KCNQ1: variants seen among roughly 807,000 people sequenced by gnomAD.
KCNQ1 encodes potassium voltage-gated channel subfamily KQT member 1.
In KCNQ1, 49 loss-of-function variants were observed where a neutral mutation model predicts 72.4. The observed-to-expected ratio is 0.68, with a 90% CI of 0.54 to 0.86. KCNQ1 has a LOEUF of 0.86. Ranked by LOEUF, KCNQ1 falls within the 40% of genes least tolerant of loss-of-function variation. KCNQ1 has a pLI of 0.00. For synonymous variants in KCNQ1, 450 were observed against 412.6 expected (o/e 1.09, Z -1.10); for missense variants, 790 against 945.1 (o/e 0.84, Z 2.15).
chr11:2,536,764 G>C lies in KCNQ1; in HGVS notation c.477+8746G>C, dbSNP rs1453469664. Among the ~76,000 whole-genome samples, 1 of 150,928 alleles carries C rather than the reference G, an allele frequency of 6.6e-6. No homozygotes were observed. The highest frequency in any genetic ancestry group is 2.5e-5 in the African/African-American group (1 of 40,254). On this transcript the variant is annotated intron_variant, in intron 2 of 15. Coordinates refer to ENST00000155840, the MANE Select transcript of KCNQ1 (RefSeq NM_000218.3). The surrounding 1 kb of genome is among the most constrained non-coding windows in gnomAD (Gnocchi z 7.4). The stretch of plus-strand genomic sequence containing the variant: ...AGAGTCGACCTGGGCTGCGTGATGG[G>C]GGACCCCAGGCTGGGCGGCTTAAAC...
rs201436513 is a variant in KCNQ1 at position 2,786,713 on chromosome 11, ATTATT to A, written c.1794+8683_1794+8687del. Among the ~76,000 whole-genome samples, 218 of 151,706 alleles carry A rather than the reference ATTATT, an allele frequency of 1.4e-3. 1 individual carries two copies. Among genetic ancestry groups the A allele is most frequent in the Admixed American group, 0.011 (166 of 15,246 alleles). On this transcript the variant is annotated intron_variant, in intron 15 of 15. Coordinates refer to ENST00000155840, the MANE Select transcript of KCNQ1 (RefSeq NM_000218.3). ...CAGTGAATTTTAAACTTCAATTATT[ATTATT>A]TTATTTATAAAAGTTCTGTTGGGTT... is the stretch of plus-strand genomic sequence containing the variant.
intron 10 of KCNQ1, among the ~76,000 whole-genome samples, chr11:2,589,575 C>G (rs36008556): frequency 6.6e-6 from 1 of 152,194 alleles, no homozygotes; most frequent in East Asian, 1.9e-4. Context: ...TCCAGCCACA[C>G]GGCGGGAATA....
At chr11:2,714,548 G>A (rs1274040392) in intron 11 of KCNQ1, among the ~76,000 whole-genome samples, 1 of 152,220 alleles carries the variant, frequency 6.6e-6, no homozygotes, top group Non-Finnish European at 1.5e-5. Context: ...ATAGATGGAG[G>A]AGCTCACAGC....
intron 11 of KCNQ1, chr11:2,662,452 A>C: frequency 2.2e-6 from 1 of 453,248 alleles, no homozygotes; most frequent in Non-Finnish European, 3.8e-6. Flanking sequence ...GGCCAAAGCC[A>C]TGGGGCAGAT....
chr11:2,580,195 G>A lies in KCNQ1; in HGVS notation c.922-3240G>A, dbSNP rs867072499. On this transcript the variant is annotated intron_variant, in intron 6 of 15. Coordinates refer to ENST00000155840, the MANE Select transcript of KCNQ1 (RefSeq NM_000218.3). Reference sequence around the variant, plus strand: ...CACTGGCCTCCCCCAACTGCTTGCCGCCCAGCCCCCCTCAGGCCAATTCCT... The same window carrying A: ...CACTGGCCTCCCCCAACTGCTTGCCACCCAGCCCCCCTCAGGCCAATTCCT... Among the ~76,000 whole-genome samples, 397 of 151,784 alleles carry A rather than the reference G, an allele frequency of 2.6e-3. 5 individuals are homozygous for A. The Middle Eastern group carries it at 0.044, about 17-fold the overall frequency.
rs1564904870 is a variant in KCNQ1, at chr11:2,818,800, C to T, written c.1795-28967C>T. Among the ~76,000 whole-genome samples the T allele has an allele frequency of 6.6e-6, 1 of 152,048 alleles. No homozygotes were observed. Among genetic ancestry groups the T allele is most frequent in the Non-Finnish European group, 1.5e-5 (1 of 68,002 alleles). On this transcript the variant is annotated intron_variant, in intron 15 of 15. Coordinates refer to ENST00000155840, the MANE Select transcript of KCNQ1 (RefSeq NM_000218.3). The surrounding 1 kb of genome is among the most constrained non-coding windows in gnomAD (Gnocchi z 7.2). ...CTGCCAGCACAGCCCCCACCACACACTCCCCAACAGGTGTCTCCACAACTG... is the reference window on the plus strand; with the variant it reads ...CTGCCAGCACAGCCCCCACCACACATTCCCCAACAGGTGTCTCCACAACTG...
chr11:2,630,385 G>A (rs1033829951), intron 10 of KCNQ1: 50 of 397,376 alleles, frequency 1.3e-4, no homozygotes, highest in Middle Eastern at 6.2e-4. Flanking sequence ...TTCTTATATT[G>A]TCCTTGTCTG....
chr11:2,628,935 G>C (rs1431481719), intron 10 of KCNQ1: 1 of 398,162 alleles, frequency 2.5e-6, no homozygotes, highest in East Asian at 3.6e-5. Context: ...AAATGTGTGG[G>C]TTTATTTCTA....
intron 10 of KCNQ1, chr11:2,628,289 C>T: frequency 2.5e-6 from 1 of 398,600 alleles, no homozygotes; most frequent in Non-Finnish European, 4.4e-6. Flanking sequence ...CACATCCTCA[C>T]CAACACTTGC....
intron 11 of KCNQ1, among the ~76,000 whole-genome samples, chr11:2,743,930 G>T (rs1048963376): frequency 3.9e-5 from 6 of 152,202 alleles, no homozygotes; most frequent in Admixed American, 2.0e-4. Flanking sequence ...TCCCCTGGTG[G>T]GCCTTGAGGG....
Position 2,620,361 on chromosome 11 carries a change from C to G in KCNQ1, c.1393+31507C>G. Reference sequence around the variant, plus strand: ...CCTCCTGAGTAGCTGGGATTAGAGGCATGCGCCACCACGTCCAGCTAATTT... The same window carrying G: ...CCTCCTGAGTAGCTGGGATTAGAGGGATGCGCCACCACGTCCAGCTAATTT... On this transcript the variant is annotated intron_variant, in intron 10 of 15. Coordinates refer to ENST00000155840, the MANE Select transcript of KCNQ1 (RefSeq NM_000218.3). The surrounding 1 kb of genome is among the most constrained non-coding windows in gnomAD (Gnocchi z 4.5). 1 of 203,492 alleles carries G rather than the reference C, an allele frequency of 4.9e-6. No homozygotes were observed. The highest frequency in any genetic ancestry group is 9.7e-6 in the Non-Finnish European group (1 of 103,464). 12.6% of individuals were successfully genotyped at this position (203,492 alleles called of 1,614,324 possible). A position where few individuals can be genotyped will look rare whatever the true frequency, so the allele number is the denominator to read the frequency against.
rs1846895976 is a variant in KCNQ1, at chr11:2,495,441, T to C, written c.387-32487T>C. On this transcript the variant is annotated intron_variant, in intron 1 of 15. Transcript: ENST00000155840. This position sits in a 1 kb window ranked among gnomAD's most constrained non-coding sequence, Gnocchi z 4.6. Reference sequence around the variant, plus strand: ...TAATTGTGATGTTTGGGTGTCGATTTCAGATCTCTCTAGCTTTCTGATATG... The same window carrying C: ...TAATTGTGATGTTTGGGTGTCGATTCCAGATCTCTCTAGCTTTCTGATATG... Among the ~76,000 whole-genome samples the C allele has an allele frequency of 6.6e-6, 1 of 152,226 alleles. No individual in the cohort carries two copies. Among genetic ancestry groups the C allele is most frequent in the East Asian group, 1.9e-4 (1 of 5,198 alleles).
chr11:2,623,538 T>A lies in KCNQ1; in HGVS notation c.1393+34684T>A, dbSNP rs1849209704. On this transcript the variant is annotated intron_variant, in intron 10 of 15. Transcript: ENST00000155840. This position sits in a 1 kb window ranked among gnomAD's most constrained non-coding sequence, Gnocchi z 5.2. ...TCATACAGTATGTAGTTTCTTCAGA[T>A]TGCCTTATTTCACATAGTAATATGT... is the stretch of plus-strand genomic sequence containing the variant. The A allele has an allele frequency of 2.5e-6, 1 of 398,516 alleles. No individual in the cohort carries two copies. The highest frequency in any genetic ancestry group is 1.3e-4 in the South Asian group (1 of 7,866). 24.7% of individuals were successfully genotyped at this position (398,516 alleles called of 1,614,324 possible).
At chr11:2,675,895 A>C (rs1436484986) in intron 11 of KCNQ1, 1 of 398,558 alleles carries the variant, frequency 2.5e-6, no homozygotes, top group Non-Finnish European at 4.4e-6. Flanking sequence ...TTATGTATTC[A>C]AGGGTTGTGC....
At chr11:2,812,944 A>C (rs1017448287) in intron 15 of KCNQ1, among the ~76,000 whole-genome samples, 2 of 152,192 alleles carry the variant, frequency 1.3e-5, no homozygotes, top group Non-Finnish European at 2.9e-5. Context: ...CTGGCTGCAA[A>C]GCTGCCCCCT....
intron 1 of KCNQ1, among the ~76,000 whole-genome samples, chr11:2,527,645 A>G (rs1334507309): frequency 6.6e-6 from 1 of 152,236 alleles, no homozygotes. Flanking sequence ...GCAGGTGGTC[A>G]GCAGGTGGTC....
At chr11:2,732,081 G>A (rs1018088267) in intron 11 of KCNQ1, among the ~76,000 whole-genome samples, 2 of 152,194 alleles carry the variant, frequency 1.3e-5, no homozygotes, top group African/African-American at 4.8e-5. Context: ...TGCCCTTTAG[G>A]GTTTTTAAAT....
In KCNQ1 at chr11:2,827,831, G is replaced by C. The variant is rs552383735; in HGVS notation, c.1795-19936G>C. 3.2e-4 allele frequency among the ~76,000 whole-genome samples: 49 copies of C among 152,306 alleles called. 2 individuals carry two copies. Among genetic ancestry groups the C allele is most frequent in the South Asian group, 1.4e-3 (7 of 4,828 alleles). ...AGGTATGTGGTGGTACTGTTTTCCGGAATGAAGAGGAAGGGGCGGGCAGAA... is the reference window on the plus strand; with the variant it reads ...AGGTATGTGGTGGTACTGTTTTCCGCAATGAAGAGGAAGGGGCGGGCAGAA... On this transcript the variant is annotated intron_variant, in intron 15 of 15. Coordinates refer to ENST00000155840, the MANE Select transcript of KCNQ1 (RefSeq NM_000218.3). The surrounding 1 kb of genome is among the most constrained non-coding windows in gnomAD (Gnocchi z 6.7).
At position 2,483,958 on chromosome 11, in the gene KCNQ1, A is replaced by T. The variant is rs762436877; in HGVS notation, c.386+38474A>T. On this transcript the variant is annotated intron_variant, in intron 1 of 15. Transcript: ENST00000155840. This position sits in a 1 kb window ranked among gnomAD's most constrained non-coding sequence, Gnocchi z 6.1. ...TGCCCATCAGCTGGTTTTGCTTGTG[A>T]CAGGCAAAGTCTGTGGTGCTTGCCA... is the stretch of plus-strand genomic sequence containing the variant. 7.9e-5 allele frequency among the ~76,000 whole-genome samples: 12 copies of T among 152,126 alleles called. No homozygotes were observed. The highest frequency in any genetic ancestry group is 1.0e-4 in the Non-Finnish European group (7 of 68,026).
Sources: allele counts gnomAD v4.1 joint callset (sites outside exome capture counted in the v4.1 genomes callset), GRCh38; gene constraint gnomAD v4.1.1; non-coding constraint Gnocchi (gnomAD v3.1); transcripts MANE v1.5; gene names NCBI Gene and HGNC (gene_info 2026-07-23, HGNC 2026-07-21).